Variants in NUGGC observed in about 807,000 individuals in gnomAD.
NUGGC encodes the protein nuclear GTPase, germinal center associated.
Under a neutral mutation model 92.6 loss-of-function variants are expected in NUGGC, and 58 were observed. That is an observed-to-expected ratio of 0.63 (90% CI 0.51 to 0.78). The LOEUF (loss-of-function observed/expected upper bound fraction) is 0.78, where lower values mean the gene tolerates loss of function less well. Ranked by LOEUF, NUGGC falls within the 30% of genes least tolerant of loss-of-function variation. The pLI is 0.00. For synonymous variants in NUGGC, 376 were observed against 366.4 expected, an observed-to-expected ratio of 1.03 and a Z score of -0.30; for missense variants, 925 against 964.6, an observed-to-expected ratio of 0.96 and a Z score of 0.54.
At chr8:28,041,669 T>G (rs1276307999) in intron 12 of NUGGC, among the ~76,000 whole-genome samples, 2 of 152,186 alleles carry the variant, frequency 1.3e-5, no homozygotes, top group African/African-American at 4.8e-5. Context: ...CAGGAGATCT[T>G]AAAATCTGAA....
At chr8:28,029,595 C>G (rs1809361859) in intron 16 of NUGGC, among the ~76,000 whole-genome samples, 193 bp from the exon 17 acceptor site, 1 of 151,958 alleles carries the variant, frequency 6.6e-6, no homozygotes, top group Non-Finnish European at 1.5e-5. Flanking sequence ...ACTAAAAATA[C>G]AAAAATTAGC....
At chr8:28,026,062 A>C (rs369614475) in intron 18 of NUGGC, among the ~76,000 whole-genome samples, 3 of 152,136 alleles carry the variant, frequency 2.0e-5, no homozygotes, top group Non-Finnish European at 4.4e-5. Flanking sequence ...GCTGTTTTCC[A>C]CTTTGTAATA....
chr8:28,078,504 A>T (rs2130290986), intron 1 of NUGGC, among the ~76,000 whole-genome samples: 1 of 152,330 alleles, frequency 6.6e-6, no homozygotes, highest in South Asian at 2.1e-4. Flanking sequence ...CTCCAGCTTT[A>T]CCACCCATCA....
intron 17 of NUGGC, among the ~76,000 whole-genome samples, chr8:28,028,911 G>A (rs1323017572): frequency 6.6e-6 from 1 of 152,180 alleles, no homozygotes; most frequent in African/African-American, 2.4e-5. Flanking sequence ...AATCCCAGCT[G>A]TGCATCTCCC....
rs1467142183 is a variant in NUGGC, at chr8:28,029,317, G to A, written c.2103C>T (p.Gly701=). The A allele has an allele frequency of 6.2e-7, 1 of 1,608,296 alleles. No individual in the cohort carries two copies. The highest frequency in any genetic ancestry group is 8.5e-7 in the Non-Finnish European group (1 of 1,177,526). Residue 701 remains glycine, a synonymous_variant, in exon 17 of 19, where the codon GGC becomes GGT. Transcript: ENST00000413272. ...TCCTTTCCTGGGCCCTTTCAAACAT[G>A]CCCTCAGCCACCTGCCGGTCCACTC... The part of the protein sequence containing the change: ...RRGVDRQVAE[G]MFERAQERMQ...
chr8:28,039,500 G>T (rs1283853903), intron 13 of NUGGC, among the ~76,000 whole-genome samples: 1 of 152,166 alleles, frequency 6.6e-6, no homozygotes, highest in Admixed American at 6.5e-5. Context: ...CCAAAGTGCT[G>T]GGAATACAGG....
At chr8:28,065,247 G>A (rs1216125914) in intron 6 of NUGGC, among the ~76,000 whole-genome samples, 2 of 132,034 alleles carry the variant, frequency 1.5e-5, no homozygotes, top group Non-Finnish European at 1.5e-5. Context: ...TACAAGCTCC[G>A]CCTCCCGGGT....
chr8:28,030,147 C>T (rs536328229), intron 16 of NUGGC, among the ~76,000 whole-genome samples, 163 bp downstream of exon 16: 21 of 152,260 alleles, frequency 1.4e-4, no homozygotes, highest in African/African-American at 4.1e-4. Flanking sequence ...GAGAAGGGTC[C>T]TCACACCCTG....
chr8:28,026,850 C>T, intron 18 of NUGGC, 112 bp downstream of exon 18: 2 of 748,028 alleles, frequency 2.7e-6, no homozygotes, highest in Non-Finnish European at 4.8e-6. Flanking sequence ...TCCTAACTTC[C>T]TAACTTAAAT....
At chr8:28,083,652 G>A (rs531787493) in intron 1 of NUGGC, 123 bp downstream of exon 1, 4 of 152,224 alleles carry the variant, frequency 2.6e-5, no homozygotes, top group Admixed American at 2.6e-4. Context: ...GGAATTACAT[G>A]GGAATGCTCT....
intron 18 of NUGGC, among the ~76,000 whole-genome samples, chr8:28,023,742 T>G (rs1809178581): frequency 6.6e-6 from 1 of 152,210 alleles, no homozygotes; most frequent in Non-Finnish European, 1.5e-5. Context: ...CAAAGCATGT[T>G]GCACAATAAC....
chr8:28,083,034 T>G (rs1810887877), intron 1 of NUGGC, among the ~76,000 whole-genome samples: 1 of 152,122 alleles, frequency 6.6e-6, no homozygotes, highest in Admixed American at 6.6e-5. Flanking sequence ...TACAGAAGAA[T>G]TCCAAATAAT....
intron 12 of NUGGC, among the ~76,000 whole-genome samples, chr8:28,041,561 A>G (rs559417079): frequency 3.9e-5 from 6 of 152,368 alleles, no homozygotes; most frequent in African/African-American, 7.2e-5. Flanking sequence ...GATTTTTCCA[A>G]TGACATCTGA....
At chr8:28,040,157 T>A (rs112716051) in intron 13 of NUGGC, among the ~76,000 whole-genome samples, 1 of 152,198 alleles carries the variant, frequency 6.6e-6, no homozygotes, top group Admixed American at 6.5e-5. Flanking sequence ...CCACCCAGTC[T>A]ATAGGATTTT....
chr8:28,041,628 C>T (rs1398157939), intron 12 of NUGGC, among the ~76,000 whole-genome samples: 2 of 152,282 alleles, frequency 1.3e-5, no homozygotes, highest in East Asian at 3.9e-4. Context: ...AAGGATAATG[C>T]TTCTTAAATT....
intron 9 of NUGGC, 132 bp from the exon 10 acceptor site, chr8:28,056,186 T>TTA: frequency 1.8e-6 from 1 of 568,508 alleles, no homozygotes; most frequent in Non-Finnish European, 3.1e-6. Context: ...TGTATTAGAA[T>TTA]TATACACAGT....
chr8:28,050,812 A>T (rs1809978519), intron 10 of NUGGC, among the ~76,000 whole-genome samples: 1 of 146,796 alleles, frequency 6.8e-6, no homozygotes, highest in South Asian at 2.1e-4. Context: ...CTCCGTCTCA[A>T]AAAAAAAAAA....
At chr8:28,045,259 C>A in intron 12 of NUGGC, among the ~76,000 whole-genome samples, 1 of 152,146 alleles carries the variant, frequency 6.6e-6, no homozygotes, top group East Asian at 1.9e-4. Context: ...CCACCTTGTT[C>A]GAGTCTCAGG....
In NUGGC at chr8:28,060,521, C is replaced by T; in HGVS notation, c.1002G>A (p.Leu334=). The change falls in exon 8 of 19, where the codon CTG becomes CTA. Residue 334 remains leucine, a synonymous_variant. Coordinates refer to ENST00000413272, the MANE Select transcript of NUGGC (RefSeq NM_001010906.2). ...VSGGQAHEDL[L]NESIKACQRG... is the part of the protein sequence containing the mutation. The stretch of plus-strand genomic sequence containing the variant: ...GCTGGCAGGCTTTGATGCTCTCATT[C>T]AGAAGGTCTTCGTGGGCTTGCCCCC... The T allele has an allele frequency of 6.2e-7, 1 of 1,613,924 alleles. No individual in the cohort carries two copies. Among genetic ancestry groups the T allele is most frequent in the Non-Finnish European group, 8.5e-7 (1 of 1,179,844 alleles).
Sources: allele counts gnomAD v4.1 joint callset (sites outside exome capture counted in the v4.1 genomes callset), GRCh38; gene constraint gnomAD v4.1.1; transcripts MANE v1.5; gene names NCBI Gene and HGNC (gene_info 2026-07-23, HGNC 2026-07-21).